Variants in GRID1 observed in about 807,000 individuals in gnomAD.
The protein encoded by GRID1 is glutamate receptor ionotropic, delta-1.
Under a neutral mutation model 98.0 loss-of-function variants are expected in GRID1, and 28 were observed. The observed-to-expected ratio is 0.29, with a 90% CI of 0.21 to 0.39. The LOEUF (loss-of-function observed/expected upper bound fraction) is 0.39, where lower values mean the gene tolerates loss of function less well. GRID1 is among the 10% of genes least tolerant of loss of function. The pLI, the probability that GRID1 is intolerant of heterozygous loss-of-function variation, is 1.00. For missense variants in GRID1, 1,111 were observed against 1,340.5 expected (o/e 0.83, Z 2.67); for synonymous variants, 553 against 538.5 (o/e 1.03, Z -0.37).
intron 8 of GRID1, among the ~76,000 whole-genome samples, chr10:85,811,848 A>G (rs1041236710): frequency 6.6e-6 from 1 of 152,192 alleles, no homozygotes; most frequent in African/African-American, 2.4e-5. Context: ...CAGGTCCAGA[A>G]AGCTCAAAGG....
chr10:86,324,251 T>C (rs1161526981), intron 2 of GRID1, among the ~76,000 whole-genome samples: 1 of 152,174 alleles, frequency 6.6e-6, no homozygotes, highest in African/African-American at 2.4e-5. Flanking sequence ...TGTTAGGTAG[T>C]GATACAGCTC....
chr10:86,333,989 T>C (rs772865995), intron 2 of GRID1, among the ~76,000 whole-genome samples: 2 of 152,144 alleles, frequency 1.3e-5, no homozygotes, highest in Non-Finnish European at 2.9e-5. Flanking sequence ...TAGCACTAGA[T>C]GCCAGCCGCC....
At chr10:86,322,068 C>T (rs908136428) in intron 2 of GRID1, among the ~76,000 whole-genome samples, 5 of 152,026 alleles carry the variant, frequency 3.3e-5, no homozygotes, top group South Asian at 2.1e-4. Context: ...GAGGCTATCA[C>T]ATCCATTTAA....
At chr10:86,302,075 C>G (rs1441976138) in intron 2 of GRID1, among the ~76,000 whole-genome samples, 1 of 152,258 alleles carries the variant, frequency 6.6e-6, no homozygotes, top group Non-Finnish European at 1.5e-5. Flanking sequence ...TGCTAAAAGC[C>G]TCACTTGGCT....
chr10:86,362,038 A>G (rs897531925), intron 2 of GRID1, among the ~76,000 whole-genome samples: 6 of 152,212 alleles, frequency 3.9e-5, no homozygotes, highest in Non-Finnish European at 8.8e-5. Flanking sequence ...TCAACACTGC[A>G]GAGGGGAGCC....
chr10:86,234,769 A>G (rs1314861833), intron 2 of GRID1, among the ~76,000 whole-genome samples: 1 of 150,232 alleles, frequency 6.7e-6, no homozygotes, highest in East Asian at 2.0e-4. Context: ...AGGGTGAGAA[A>G]GCAGCCTCCA....
intron 2 of GRID1, among the ~76,000 whole-genome samples, chr10:86,321,737 G>T (rs1433969304): frequency 2.6e-5 from 4 of 152,180 alleles, no homozygotes; most frequent in Non-Finnish European, 5.9e-5. Flanking sequence ...GGCAGAAGCA[G>T]GGAGTAGGGG....
intron 12 of GRID1, among the ~76,000 whole-genome samples, chr10:85,672,087 C>T (rs1841092490): frequency 6.6e-6 from 1 of 152,190 alleles, no homozygotes; most frequent in South Asian, 2.1e-4. Context: ...GCAAGTCATC[C>T]AGAAGATCTA....
At chr10:85,708,154 C>A (rs1841543600) in intron 12 of GRID1, among the ~76,000 whole-genome samples, 1 of 136,402 alleles carries the variant, frequency 7.3e-6, no homozygotes. Context: ...CTATAATCCC[C>A]AGCACTTTGG....
intron 4 of GRID1, among the ~76,000 whole-genome samples, chr10:86,088,806 T>C (rs1482698853): frequency 2.0e-5 from 3 of 151,940 alleles, no homozygotes; most frequent in Non-Finnish European, 2.9e-5. Flanking sequence ...AGGAATGACA[T>C]GATGTTGAGG....
chr10:86,273,186 G>C (rs1338575021), intron 2 of GRID1, among the ~76,000 whole-genome samples: 1 of 151,556 alleles, frequency 6.6e-6, no homozygotes, highest in Non-Finnish European at 1.5e-5. Flanking sequence ...CCTTGCGATA[G>C]TTTACTGAGA....
chr10:85,880,263 C>G (rs1224420829), intron 5 of GRID1, among the ~76,000 whole-genome samples: 1 of 152,194 alleles, frequency 6.6e-6, no homozygotes, highest in African/African-American at 2.4e-5. Context: ...TCCTCCCTAA[C>G]TCATTTTATG....
intron 12 of GRID1, among the ~76,000 whole-genome samples, chr10:85,678,217 G>A (rs1210799454): frequency 6.6e-6 from 1 of 152,114 alleles, no homozygotes; most frequent in African/African-American, 2.4e-5. Flanking sequence ...GGGAGGAAAG[G>A]GGAATGATCA....
At chr10:86,000,172 T>C (rs1370526365) in intron 4 of GRID1, among the ~76,000 whole-genome samples, 1 of 152,192 alleles carries the variant, frequency 6.6e-6, no homozygotes, top group Non-Finnish European at 1.5e-5. Flanking sequence ...TGTTTCCATA[T>C]ACTAGCAATG....
chr10:86,131,367 A>G (rs1175041058), intron 4 of GRID1, among the ~76,000 whole-genome samples: 3 of 152,126 alleles, frequency 2.0e-5, no homozygotes, highest in Admixed American at 2.0e-4. Context: ...TTCCCTTTGT[A>G]AATGCCTATT....
chr10:86,115,350 G>GATGA (rs374476686), intron 4 of GRID1, among the ~76,000 whole-genome samples: 6,173 of 152,050 alleles, frequency 0.041, 363 homozygotes, highest in African/African-American at 0.13. Context: ...TGAAACAATA[G>GATGA]ATGAATGAAT....
intron 6 of GRID1, among the ~76,000 whole-genome samples, chr10:85,864,043 C>G (rs1448059535): frequency 6.6e-6 from 1 of 152,220 alleles, no homozygotes; most frequent in Non-Finnish European, 1.5e-5. Flanking sequence ...AAGAACCCAG[C>G]TTTCTCTTCC....
chr10:86,023,689 T>G (rs1307185782), intron 4 of GRID1, among the ~76,000 whole-genome samples: 1 of 152,160 alleles, frequency 6.6e-6, no homozygotes, highest in Non-Finnish European at 1.5e-5. Context: ...TTCTTCTTCC[T>G]GACTTCTTGT....
intron 4 of GRID1, among the ~76,000 whole-genome samples, chr10:85,967,602 T>C (rs1054240205): frequency 2.2e-4 from 33 of 152,302 alleles, no homozygotes; most frequent in African/African-American, 7.7e-4. Flanking sequence ...AATTAAAGTA[T>C]AACAATAGTA....
Sources: allele counts gnomAD v4.1 joint callset (sites outside exome capture counted in the v4.1 genomes callset), GRCh38; gene constraint gnomAD v4.1.1; transcripts MANE v1.5; gene names NCBI Gene and HGNC (gene_info 2026-07-23, HGNC 2026-07-21).